The following PRCD variants were observed in gnomAD, a reference collection of about 807,000 sequenced individuals.
The protein encoded by PRCD is photoreceptor disc component, also known as photoreceptor disk component PRCD.
A neutral mutation model predicts 10.1 loss-of-function variants in PRCD; 12 were observed. The ratio of observed to expected loss-of-function variants is 1.18; its 90% CI spans 0.76 to 1.92. The LOEUF (loss-of-function observed/expected upper bound fraction) is 1.92, where lower values mean the gene tolerates loss of function less well. PRCD is among the 40% of genes most tolerant of loss of function. The pLI, the probability that PRCD is intolerant of heterozygous loss-of-function variation, is 0.00. For synonymous variants in PRCD, 31 were observed against 26.2 expected, an observed-to-expected ratio of 1.18 and a Z score of -0.56; for missense variants, 61 against 72.2, an observed-to-expected ratio of 0.84 and a Z score of 0.56.
chr17:76,535,677 G>A (rs2074906121), upstream of PRCD, among the ~76,000 whole-genome samples: 1 of 152,202 alleles, frequency 6.6e-6, no homozygotes, highest in African/African-American at 2.4e-5. Flanking sequence ...GGAACTGGAA[G>A]AGGGGTGTAG....
rs200682867 is a variant in PRCD, at chr17:76,540,138, C to T, written c.-4C>T. The T allele has an allele frequency of 7.5e-6, 12 of 1,599,906 alleles. No individual in the cohort carries two copies. Among genetic ancestry groups the T allele is most frequent in the South Asian group, 5.7e-5 (5 of 88,384 alleles). Reference sequence around the variant, plus strand: ...GGCCTGGGAGGGGATGGGGCAGCTGCGCCATGTGCACCACCCTTTTCCTGC... The same window carrying T: ...GGCCTGGGAGGGGATGGGGCAGCTGTGCCATGTGCACCACCCTTTTCCTGC... On this transcript the variant is annotated 5_prime_UTR_variant, in exon 1 of 5. Coordinates refer to ENST00000592014, the MANE Select transcript of PRCD (RefSeq NM_001077620.3). This position sits in a 1 kb window ranked among gnomAD's most constrained non-coding sequence, Gnocchi z 5.0.
At position 76,531,637 on chromosome 17, in the gene PRCD, C is replaced by T; in HGVS notation, n.45+3804C>T. On this transcript the variant is annotated intron_variant and non_coding_transcript_variant, in intron 1 of 4. Transcript: ENST00000397633. The surrounding 1 kb of genome is among the most constrained non-coding windows in gnomAD (Gnocchi z 7.4). Reference sequence around the variant, plus strand: ...TCCGCTCCATCTCCAGGGGATCCTCCATGTGCTTGAACTGGCTGAAGTACT... The same window carrying T: ...TCCGCTCCATCTCCAGGGGATCCTCTATGTGCTTGAACTGGCTGAAGTACT... 2.5e-6 allele frequency: 4 copies of T among 1,612,002 alleles called. No individual in the cohort carries two copies. Among genetic ancestry groups the T allele is most frequent in the Non-Finnish European group, 3.4e-6 (4 of 1,178,180 alleles).
In PRCD at chr17:76,528,823, A is replaced by C; in HGVS notation, n.45+990A>C. The C allele has an allele frequency of 8.7e-7, 1 of 1,146,904 alleles. No homozygotes were observed. Among genetic ancestry groups the C allele is most frequent in the Non-Finnish European group, 1.1e-6 (1 of 909,050 alleles). 71.0% of individuals were successfully genotyped at this position (1,146,904 alleles called of 1,614,324 possible). On this transcript the variant is annotated intron_variant and non_coding_transcript_variant, in intron 1 of 4. Coordinates refer to the PRCD transcript ENST00000397633. This position sits in a 1 kb window ranked among gnomAD's most constrained non-coding sequence, Gnocchi z 5.8. ...TCAGGCAAGTCTACTGGCCCATGGG[A>C]GCTCCGGATCTTTTTCTCTAAAATG...
At chr17:76,548,233 C>T (rs1197399446), downstream of PRCD, among the ~76,000 whole-genome samples, 1 of 152,040 alleles carries the variant, frequency 6.6e-6, no homozygotes, top group Non-Finnish European at 1.5e-5. Context: ...ACACACATAG[C>T]ATACACATAC....
chr17:76,531,265 G>T lies in PRCD; in HGVS notation n.45+3432G>T. ...CCTAACGCAACAGTCTGGCAGCTTT[G>T]GGAACCCCGTGCTCTCAGGACAAGG... On this transcript the variant is annotated intron_variant and non_coding_transcript_variant, in intron 1 of 4. Transcript: ENST00000397633. The surrounding 1 kb of genome is among the most constrained non-coding windows in gnomAD (Gnocchi z 7.4). 7.9e-7 allele frequency: 1 copy of T among 1,257,922 alleles called. No homozygotes were observed. The highest frequency in any genetic ancestry group is 1.1e-6 in the Non-Finnish European group (1 of 908,470). 77.9% of individuals were successfully genotyped at this position (1,257,922 alleles called of 1,614,324 possible).
rs1433814727 is a variant in PRCD, at chr17:76,540,351, G to A, written c.74+136G>A. 2 of 1,282,874 alleles carry A rather than the reference G, an allele frequency of 1.6e-6. No homozygotes were observed. The highest frequency in any genetic ancestry group is 2.2e-6 in the Non-Finnish European group (2 of 897,080). The allele number at this position is 1,282,874 out of a possible 1,614,324, so 79.5% of individuals were successfully genotyped here. ...TGGGAGGGCATTTTGAGGAACCCTT[G>A]AGAGAGCACAGTCTCAGAGCAGGGG... On this transcript the variant is annotated intron_variant, in intron 1 of 4. Coordinates refer to ENST00000592014, the MANE Select transcript of PRCD (RefSeq NM_001077620.3). The surrounding 1 kb of genome is among the most constrained non-coding windows in gnomAD (Gnocchi z 5.0).
In PRCD at chr17:76,540,134, G is replaced by T; in HGVS notation, c.-8G>T. On this transcript the variant is annotated 5_prime_UTR_variant, in exon 1 of 5. Transcript: ENST00000592014. This position sits in a 1 kb window ranked among gnomAD's most constrained non-coding sequence, Gnocchi z 5.0. Reference sequence around the variant, plus strand: ...ACTTGGCCTGGGAGGGGATGGGGCAGCTGCGCCATGTGCACCACCCTTTTC... The same window carrying T: ...ACTTGGCCTGGGAGGGGATGGGGCATCTGCGCCATGTGCACCACCCTTTTC... The T allele has an allele frequency of 6.3e-7, 1 of 1,598,922 alleles. No individual in the cohort carries two copies. The highest frequency in any genetic ancestry group is 8.5e-7 in the Non-Finnish European group (1 of 1,173,312).
At chr17:76,542,941 G>A (rs1000483914) in intron 3 of PRCD, 88 bp from the exon 4 acceptor site, 1 of 541,576 alleles carries the variant, frequency 1.8e-6, no homozygotes, top group Admixed American at 2.2e-5. Context: ...CCAAGGGAGA[G>A]GCGGTGCTCG....
Position 76,540,783 on chromosome 17 carries a change from C to T in PRCD, c.143+210C>T, listed in dbSNP as rs1023439166. Among the ~76,000 whole-genome samples the T allele has an allele frequency of 1.3e-5, 2 of 152,248 alleles. No individual in the cohort carries two copies. Among genetic ancestry groups the T allele is most frequent in the African/African-American group, 4.8e-5 (2 of 41,468 alleles). ...GAATGGGAACCCTCAGCTCGCTCCT[C>T]TGGACCAAAGCCGCTGTGCCTCTCA... On this transcript the variant is annotated intron_variant, in intron 2 of 4. Coordinates refer to ENST00000592014, the MANE Select transcript of PRCD (RefSeq NM_001077620.3). The surrounding 1 kb of genome is among the most constrained non-coding windows in gnomAD (Gnocchi z 5.0).
intron 1 of PRCD, chr17:76,529,048 C>CCCCCCA (rs2074800551): frequency 7.0e-6 from 3 of 431,218 alleles, no homozygotes; most frequent in Non-Finnish European, 6.0e-6. Context: ...CATTGCGCCC[C>CCCCCCA]CCCCCCACCC....
upstream of PRCD, among the ~76,000 whole-genome samples, chr17:76,535,850 A>T (rs1179250048): frequency 6.6e-6 from 1 of 152,100 alleles, no homozygotes; most frequent in Non-Finnish European, 1.5e-5. Context: ...ACGTATCCGC[A>T]CAGGTACCTG....
rs1461102657 is a variant in PRCD at position 76,544,103 on chromosome 17, A to G, written c.*453A>G. The stretch of plus-strand genomic sequence containing the variant: ...ATCCTGCATGATCCTGAGCAGAGAT[A>G]AAAGCAGATTTCCGCTTCTGCTCCC... On this transcript the variant is annotated 3_prime_UTR_variant, in exon 5 of 5. Coordinates refer to ENST00000592014, the MANE Select transcript of PRCD (RefSeq NM_001077620.3). The G allele has an allele frequency of 2.2e-6, 1 of 454,490 alleles. No individual in the cohort carries two copies. The highest frequency in any genetic ancestry group is 4.4e-6 in the Non-Finnish European group (1 of 226,964). 28.2% of individuals were successfully genotyped at this position (454,490 alleles called of 1,614,324 possible). A position where few individuals can be genotyped will look rare whatever the true frequency, so the allele number is the denominator to read the frequency against.
chr17:76,541,196 TA>T (rs1598212409), intron 2 of PRCD, among the ~76,000 whole-genome samples: 2 of 152,290 alleles, frequency 1.3e-5, no homozygotes, highest in Admixed American at 1.3e-4. Flanking sequence ...CGTTCGATGA[TA>T]GGGGCGCCTA....
rs2074871386 is a variant in PRCD at position 76,533,384 on chromosome 17, A to C, written n.45+5551A>C. Reference sequence around the variant, plus strand: ...GACAAATGTGAAAAACCCAATTTGGACTTAAACAAGCATCTCAGACTTTGG... The same window carrying C: ...GACAAATGTGAAAAACCCAATTTGGCCTTAAACAAGCATCTCAGACTTTGG... On this transcript the variant is annotated intron_variant and non_coding_transcript_variant, in intron 1 of 4. Coordinates refer to the PRCD transcript ENST00000397633. This position sits in a 1 kb window ranked among gnomAD's most constrained non-coding sequence, Gnocchi z 4.5. Among the ~76,000 whole-genome samples, 1 of 152,258 alleles carries C rather than the reference A, an allele frequency of 6.6e-6. No homozygotes were observed. Among genetic ancestry groups the C allele is most frequent in the Non-Finnish European group, 1.5e-5 (1 of 68,042 alleles).
upstream of PRCD, chr17:76,539,919 T>C: frequency 1.7e-6 from 1 of 603,144 alleles, no homozygotes; most frequent in South Asian, 2.0e-5. Flanking sequence ...AGTGCATGCC[T>C]TGACCCTACC....
Position 76,540,188 on chromosome 17 carries a change from G to A in PRCD, c.47G>A (p.Arg16His), listed in dbSNP as rs1158300805. ...FLLSTLAMLW[R>H]RRFANRVQPE... Reference sequence around the variant, plus strand: ...CTCAGCACCCTGGCCATGCTCTGGCGCCGCCGATTTGCCAACCGAGTCCAA... The same window carrying A: ...CTCAGCACCCTGGCCATGCTCTGGCACCGCCGATTTGCCAACCGAGTCCAA... Residue 16 changes from arginine to histidine, a missense_variant, in exon 1 of 5, where the codon CGC (arginine) becomes CAC (histidine). Transcript: ENST00000592014. The surrounding 1 kb of genome is among the most constrained non-coding windows in gnomAD (Gnocchi z 5.0). 2.6e-6 allele frequency: 4 copies of A among 1,541,332 alleles called. No individual in the cohort carries two copies. Among genetic ancestry groups the A allele is most frequent in the Admixed American group, 1.8e-5 (1 of 55,356 alleles).
intron 1 of PRCD, chr17:76,529,465 G>C (rs370195391): frequency 4.1e-6 from 4 of 985,330 alleles, no homozygotes; most frequent in South Asian, 9.4e-5. Context: ...AGGGCAGGAC[G>C]GGCAGCGTGC....
At position 76,528,855 on chromosome 17, in the gene PRCD, A is replaced by T. The variant is rs1196780345; in HGVS notation, n.45+1022A>T. ...GATCTTTTTCTCTAAAATGTGAATAATGTCTGTCTTGTGACATAAACTGGG... is the reference window on the plus strand; with the variant it reads ...GATCTTTTTCTCTAAAATGTGAATATTGTCTGTCTTGTGACATAAACTGGG... On this transcript the variant is annotated intron_variant and non_coding_transcript_variant, in intron 1 of 4. Coordinates refer to the PRCD transcript ENST00000397633. This position sits in a 1 kb window ranked among gnomAD's most constrained non-coding sequence, Gnocchi z 5.8. 5.8e-6 allele frequency: 7 copies of T among 1,216,924 alleles called. No homozygotes were observed. Among genetic ancestry groups the T allele is most frequent in the Non-Finnish European group, 7.2e-6 (7 of 975,858 alleles). 75.4% of individuals were successfully genotyped at this position (1,216,924 alleles called of 1,614,324 possible).
Position 76,530,953 on chromosome 17 carries a change from C to T in PRCD, n.45+3120C>T, listed in dbSNP as rs1027864794. ...CAGAGGACATGGCGGGGAGGCTGCC[C>T]AGCCCACCCTCGCCCGCCTCCTCAC... On this transcript the variant is annotated intron_variant and non_coding_transcript_variant, in intron 1 of 4. Coordinates refer to the PRCD transcript ENST00000397633. The surrounding 1 kb of genome is among the most constrained non-coding windows in gnomAD (Gnocchi z 6.1). 3 of 1,546,144 alleles carry T rather than the reference C, an allele frequency of 1.9e-6. No individual in the cohort carries two copies. Among genetic ancestry groups the T allele is most frequent in the Non-Finnish European group, 2.6e-6 (3 of 1,142,760 alleles).
Sources: allele counts gnomAD v4.1 joint callset (sites outside exome capture counted in the v4.1 genomes callset), GRCh38; gene constraint gnomAD v4.1.1; non-coding constraint Gnocchi (gnomAD v3.1); transcripts MANE v1.5; gene names NCBI Gene and HGNC (gene_info 2026-07-23, HGNC 2026-07-21).